Variants in DCBLD1 observed in about 807,000 individuals in gnomAD.
The protein encoded by DCBLD1 is discoidin, CUB and LCCL domain containing 1.
In DCBLD1, 57 loss-of-function variants were observed where a neutral mutation model predicts 71.5. That is an observed-to-expected ratio of 0.80 (90% confidence interval 0.64 to 0.99). The LOEUF (loss-of-function observed/expected upper bound fraction) is 0.99. DCBLD1 is among the 50% of genes least tolerant of loss of function. DCBLD1 has a pLI of 0.00. For synonymous variants in DCBLD1, 380 were observed against 363.8 expected, an observed-to-expected ratio of 1.04 and a Z score of -0.51; for missense variants, 891 against 923.5, an observed-to-expected ratio of 0.96 and a Z score of 0.46.
rs777343162 is a variant in DCBLD1, at chr6:117,539,347, A to G, written c.1069A>G (p.Thr357Ala). 6.2e-7 allele frequency: 1 copy of G among 1,604,598 alleles called. No individual in the cohort carries two copies. The highest frequency in any genetic ancestry group is 8.5e-7 in the Non-Finnish European group (1 of 1,178,058). ...NFKNNNSKWK[T>A]YKGIVNNEEK... ...CAAAAACAATAATTCTAAGTGGAAG[A>G]CCTATAAAGGAATTGTGAATAATGA... The change falls in exon 9 of 15, where the codon ACC (threonine) becomes GCC (alanine). Residue 357 changes from threonine to alanine, a missense_variant. Coordinates refer to ENST00000338728, the MANE Select transcript of DCBLD1 (RefSeq NM_001366458.2).
At chr6:117,563,393 A>G in intron 14 of DCBLD1, 1 of 1,612,140 alleles carries the variant, frequency 6.2e-7, no homozygotes, top group South Asian at 1.1e-5. Flanking sequence ...TCCTGAAAGA[A>G]AGGAGAAAAA....
rs557693943 is a variant in DCBLD1 at position 117,537,489 on chromosome 6, G to C, written c.760+264G>C. On this transcript the variant is annotated intron_variant, in intron 7 of 14. Coordinates refer to ENST00000338728, the MANE Select transcript of DCBLD1 (RefSeq NM_001366458.2). ...GCGGAGCTTGCAGTGAGCTGAGATT[G>C]CGCCACTGCACTCCAGCCTGGGTAA... Among the ~76,000 whole-genome samples the C allele has an allele frequency of 1.1e-3, 159 of 150,194 alleles. 3 individuals are homozygous for C. The East Asian group carries it at 0.027, about 25-fold the overall frequency.
chr6:117,525,522 G>T (rs1778521089), intron 5 of DCBLD1, 88 bp downstream of exon 5: 2 of 1,001,184 alleles, frequency 2.0e-6, no homozygotes, highest in Non-Finnish European at 2.7e-6. Context: ...AAAGTCAAAT[G>T]AGATATAAAA....
At chr6:117,553,950 A>G (rs1373737394), downstream of DCBLD1, among the ~76,000 whole-genome samples, 7 of 152,288 alleles carry the variant, frequency 4.6e-5, no homozygotes, top group South Asian at 1.0e-3. Context: ...CCTTATTTCT[A>G]AATGGAGATA....
Position 117,548,009 on chromosome 6 carries a change from A to T in DCBLD1, c.1718A>T (p.Asp573Val), listed in dbSNP as rs1779328467. 6.5e-7 allele frequency: 1 copy of T among 1,550,312 alleles called. No homozygotes were observed. Among genetic ancestry groups the T allele is most frequent in the African/African-American group, 1.4e-5 (1 of 73,044 alleles). The stretch of plus-strand genomic sequence containing the variant: ...GCCGAGGAGGCAGGGGTGAGCACCG[A>T]TGCCGGCGGCCACTATGACTGCCCG... ...TDAEEAGVST[D>V]AGGHYDCPQR... Residue 573 changes from aspartate to valine, a missense_variant, in exon 15 of 15, where the codon GAT becomes GTT. Coordinates refer to ENST00000338728, the MANE Select transcript of DCBLD1 (RefSeq NM_001366458.2).
intron 3 of DCBLD1, among the ~76,000 whole-genome samples, chr6:117,520,236 A>G (rs1474438583): frequency 1.3e-5 from 2 of 152,172 alleles, no homozygotes; most frequent in African/African-American, 4.8e-5. Flanking sequence ...AAAAATTTGC[A>G]AAAAATTTTT....
chr6:117,559,486 A>G (rs1476988873), intron 14 of DCBLD1, among the ~76,000 whole-genome samples: 1 of 152,194 alleles, frequency 6.6e-6, no homozygotes, highest in Non-Finnish European at 1.5e-5. Context: ...GACTGGCAGC[A>G]GCATGGAGGA....
chr6:117,540,680 A>G lies in DCBLD1; in HGVS notation c.1114A>G (p.Asn372Asp). The change falls in exon 10 of 15, where the codon AAC becomes GAC. Residue 372 changes from asparagine (N) to aspartate (D), a missense_variant. By Grantham distance (23) the Asn-to-Asp change is conservative (BLOSUM62 1). Coordinates refer to ENST00000338728, the MANE Select transcript of DCBLD1 (RefSeq NM_001366458.2). ...TTTCCTTCTATAGGTGTTTCAGGGT[A>G]ACTCTAACTTTCGGGACCCAGTGCA... ...VNNEEKVFQG[N>D]SNFRDPVQNN... is the part of the protein sequence containing the mutation. 1 of 1,614,204 alleles carries G rather than the reference A, an allele frequency of 6.2e-7. No homozygotes were observed. The highest frequency in any genetic ancestry group is 8.5e-7 in the Non-Finnish European group (1 of 1,180,040).
chr6:117,502,792 G>C (rs944383791), intron 1 of DCBLD1, among the ~76,000 whole-genome samples: 5 of 152,044 alleles, frequency 3.3e-5, no homozygotes, highest in African/African-American at 1.2e-4. Context: ...TCTGAATGCA[G>C]TGTATGCTCA....
At position 117,503,231 on chromosome 6, in the gene DCBLD1, T is replaced by C. The variant is rs571374536; in HGVS notation, c.113-536T>C. On this transcript the variant is annotated intron_variant, in intron 1 of 14. Coordinates refer to ENST00000338728, the MANE Select transcript of DCBLD1 (RefSeq NM_001366458.2). ...GAACTTTAGAATCTGTGAGTGTCAT[T>C]AACTAAGACATACATTTCAAATGAT... Among the ~76,000 whole-genome samples, 6 of 152,322 alleles carry C rather than the reference T, an allele frequency of 3.9e-5. No homozygotes were observed. In the South Asian group the frequency reaches 8.3e-4, roughly 21 times the overall value.
intron 6 of DCBLD1, among the ~76,000 whole-genome samples, chr6:117,536,510 A>G (rs1778886780): frequency 6.6e-6 from 1 of 152,212 alleles, no homozygotes; most frequent in Non-Finnish European, 1.5e-5. Flanking sequence ...TTCTCCTGTG[A>G]TAGTGATAGA....
At chr6:117,556,687 C>T (rs907270144) in intron 14 of DCBLD1, among the ~76,000 whole-genome samples, 13 of 152,174 alleles carry the variant, frequency 8.5e-5, no homozygotes, top group African/African-American at 2.9e-4. Flanking sequence ...GATAAACATA[C>T]GAGTGCCAGT....
rs1192913003 is a variant in DCBLD1 at position 117,503,841 on chromosome 6, C to T, written c.187C>T (p.Pro63Ser). The T allele has an allele frequency of 6.2e-7, 1 of 1,614,008 alleles. No individual in the cohort carries two copies. Among genetic ancestry groups the T allele is most frequent in the South Asian group, 1.1e-5 (1 of 91,066 alleles). ...MTSKNYPGTY[P>S]NHTVCEKTIT... ...ATCTAAGAATTATCCCGGGACCTACCCCAATCACACTGTTTGCGAAAAGAC... is the reference window on the plus strand; with the variant it reads ...ATCTAAGAATTATCCCGGGACCTACTCCAATCACACTGTTTGCGAAAAGAC... Residue 63 changes from proline to serine, a missense_variant, in exon 2 of 15, where the codon CCC becomes TCC. By Grantham distance (74) the Pro-to-Ser change is moderately conservative. Coordinates refer to ENST00000338728, the MANE Select transcript of DCBLD1 (RefSeq NM_001366458.2).
chr6:117,488,828 A>G (rs553422696), intron 1 of DCBLD1, among the ~76,000 whole-genome samples: 1 of 152,272 alleles, frequency 6.6e-6, no homozygotes, highest in South Asian at 2.1e-4. Flanking sequence ...TCAGGGGCCT[A>G]CTTCACCTCA....
At chr6:117,524,368 AT>A (rs927888236) in intron 4 of DCBLD1, among the ~76,000 whole-genome samples, 1 of 151,562 alleles carries the variant, frequency 6.6e-6, no homozygotes, top group Non-Finnish European at 1.5e-5. Flanking sequence ...CACCGGGCTA[AT>A]TTTTTTGTAT....
intron 1 of DCBLD1, among the ~76,000 whole-genome samples, chr6:117,486,323 T>C (rs928099715): frequency 6.6e-6 from 1 of 152,268 alleles, no homozygotes; most frequent in Non-Finnish European, 1.5e-5. Flanking sequence ...TTTACACCTA[T>C]TTCTACATGT....
At chr6:117,535,839 C>A (rs559881361) in intron 6 of DCBLD1, among the ~76,000 whole-genome samples, 1 of 152,250 alleles carries the variant, frequency 6.6e-6, no homozygotes, top group South Asian at 2.1e-4. Flanking sequence ...ATGATTAGCG[C>A]CTTTCTTTAA....
chr6:117,538,833 C>T lies in DCBLD1; in HGVS notation c.974C>T (p.Thr325Ile). Residue 325 changes from threonine to isoleucine, a missense_variant and splice_region_variant, in exon 8 of 15, where the codon ACA becomes ATA. Transcript: ENST00000338728. ...GATTTGGGGGAGAAAAAGAAAATAA[C>T]AGGTGCAGAAAATAACACAAGTGCC... ...EIDLGEKKKI[T>I]GIRTTGSTQS... 2 of 1,610,268 alleles carry T rather than the reference C, an allele frequency of 1.2e-6. No homozygotes were observed. Among genetic ancestry groups the T allele is most frequent in the African/African-American group, 1.3e-5 (1 of 74,984 alleles).
downstream of DCBLD1, among the ~76,000 whole-genome samples, chr6:117,552,720 C>T (rs1779447646): frequency 6.6e-6 from 1 of 152,118 alleles, no homozygotes; most frequent in Non-Finnish European, 1.5e-5. Flanking sequence ...ACTCTAGTAA[C>T]CTGCTTTCCA....
Sources: allele counts gnomAD v4.1 joint callset (sites outside exome capture counted in the v4.1 genomes callset), GRCh38; gene constraint gnomAD v4.1.1; transcripts MANE v1.5; gene names NCBI Gene and HGNC (gene_info 2026-07-23, HGNC 2026-07-21).